COP1: variants seen among roughly 807,000 people sequenced by gnomAD.
COP1 encodes the protein E3 ubiquitin-protein ligase COP1.
Under a neutral mutation model 101.3 loss-of-function variants are expected in COP1, and 24 were observed. The observed-to-expected ratio is 0.24, with a 90% confidence interval of 0.17 to 0.33. The LOEUF is 0.33. COP1 is among the 10% of genes least tolerant of loss of function. COP1 has a pLI of 1.00. For missense variants in COP1, 663 were observed against 906.2 expected (o/e 0.73, Z 3.45); for synonymous variants, 347 against 341.9 (o/e 1.01, Z -0.17).
intron 15 of COP1, among the ~76,000 whole-genome samples, chr1:175,993,457 G>A (rs1659213663): frequency 6.6e-6 from 1 of 152,114 alleles, no homozygotes; most frequent in Non-Finnish European, 1.5e-5. Context: ...AGCTACAGGA[G>A]GAAACTTAAA....
intron 14 of COP1, among the ~76,000 whole-genome samples, chr1:176,031,378 A>C (rs1278802841): frequency 1.3e-5 from 2 of 152,222 alleles, no homozygotes; most frequent in Non-Finnish European, 2.9e-5. Flanking sequence ...GGCGATCCTC[A>C]AAATAAGGAG....
chr1:176,171,791 G>C (rs4652152), intron 3 of COP1, among the ~76,000 whole-genome samples: 9,015 of 152,226 alleles, frequency 0.059, 609 homozygotes, highest in African/African-American at 0.16. Context: ...AGATTAGTCA[G>C]AATTTCAAGC....
chr1:175,963,187 T>C (rs1172782009), intron 18 of COP1, among the ~76,000 whole-genome samples: 3 of 152,056 alleles, frequency 2.0e-5, no homozygotes, highest in Non-Finnish European at 2.9e-5. Flanking sequence ...AATACTCTCA[T>C]GGGATTATCT....
At chr1:176,136,586 AGCCT>A in intron 6 of COP1, 39 bp from the exon 7 acceptor site, 4 of 1,366,474 alleles carry the variant, frequency 2.9e-6, no homozygotes, top group Non-Finnish European at 3.0e-6. Flanking sequence ...AAAAAAAAAA[AGCCT>A]AAGCCAAACC....
At chr1:176,167,406 CTGAATGAA>C (rs58699487) in intron 3 of COP1, among the ~76,000 whole-genome samples, 12,109 of 150,920 alleles carry the variant, frequency 0.08, 1,097 homozygotes, top group African/African-American at 0.22. Flanking sequence ...CTGGTATTTG[CTGAATGAA>C]TGAATGAATG....
rs370776169 is a variant in COP1 at position 176,042,351 on chromosome 1, G to A, written c.1612+835C>T. Among the ~76,000 whole-genome samples, 190 of 150,198 alleles carry A rather than the reference G, an allele frequency of 1.3e-3. 4 individuals carry two copies. The highest frequency in any genetic ancestry group is 4.4e-3 in the African/African-American group (181 of 40,836). ...CGAGGCAGCAGGGCAGATCACTTGA[G>A]GTCAGTTTGATACCAGTCTGGCTAA... On this transcript the variant is annotated intron_variant, in intron 14 of 19. Transcript: ENST00000367669.
chr1:176,047,118 T>G lies in COP1; in HGVS notation c.1278-794A>C, dbSNP rs546959597. 1.1e-4 allele frequency among the ~76,000 whole-genome samples: 16 copies of G among 152,260 alleles called. No individual in the cohort carries two copies. The East Asian group carries it at 2.9e-3, about 28-fold the overall frequency. On this transcript the variant is annotated intron_variant, in intron 11 of 19. Coordinates refer to ENST00000367669, the MANE Select transcript of COP1 (RefSeq NM_022457.7). The stretch of plus-strand genomic sequence containing the variant: ...CAGTTGTTACATAACCAGCTGGAAA[T>G]CTAATTAGCCCAAAGGTAGTAAAAG...
chr1:176,164,880 G>C (rs559690814), intron 3 of COP1, among the ~76,000 whole-genome samples: 2 of 152,134 alleles, frequency 1.3e-5, no homozygotes, highest in East Asian at 3.9e-4. Flanking sequence ...GGCTAGGAAG[G>C]CACTTTATAG....
intron 6 of COP1, 100 bp from the exon 7 acceptor site, chr1:176,136,647 A>G (rs751471490): frequency 6.8e-6 from 5 of 734,582 alleles, no homozygotes; most frequent in Non-Finnish European, 1.1e-5. Flanking sequence ...TTAGGAAAAT[A>G]ATTTCTATCA....
At chr1:176,184,469 T>G (rs1304254635) in intron 2 of COP1, among the ~76,000 whole-genome samples, 164 bp downstream of exon 2, 1 of 152,228 alleles carries the variant, frequency 6.6e-6, no homozygotes, top group African/African-American at 2.4e-5. Context: ...CCAGCCATTA[T>G]GTTAACAGCC....
intron 3 of COP1, among the ~76,000 whole-genome samples, chr1:176,168,183 G>C (rs987954584): frequency 6.6e-6 from 1 of 151,484 alleles, no homozygotes; most frequent in Non-Finnish European, 1.5e-5. Flanking sequence ...TCAGCCTCCC[G>C]AGTAGCTGGG....
intron 9 of COP1, among the ~76,000 whole-genome samples, chr1:176,102,771 TTGAGA>T (rs1683633972): frequency 1.3e-5 from 2 of 152,210 alleles, no homozygotes; most frequent in Non-Finnish European, 2.9e-5. Flanking sequence ...AGATCAGTGC[TTGAGA>T]TATTTTGCAG....
At chr1:176,122,620 C>T (rs1293179141) in intron 8 of COP1, among the ~76,000 whole-genome samples, 1 of 152,098 alleles carries the variant, frequency 6.6e-6, no homozygotes, top group Non-Finnish European at 1.5e-5. Context: ...AAAAACTTCC[C>T]CAGCACCTCT....
intron 15 of COP1, among the ~76,000 whole-genome samples, chr1:176,002,354 ATTTAT>A (rs1329471073): frequency 6.6e-6 from 1 of 151,258 alleles, no homozygotes; most frequent in Non-Finnish European, 1.5e-5. Context: ...GTTTTTATTT[ATTTAT>A]TTATTTTTAT....
chr1:176,012,062 G>A (rs1430157796), intron 15 of COP1, among the ~76,000 whole-genome samples: 1 of 152,138 alleles, frequency 6.6e-6, no homozygotes, highest in African/African-American at 2.4e-5. Flanking sequence ...GTGTGTGCTT[G>A]TATCCCAGCA....
At chr1:176,088,244 A>G in intron 9 of COP1, among the ~76,000 whole-genome samples, 1 of 72,136 alleles carries the variant, frequency 1.4e-5, no homozygotes, top group Non-Finnish European at 3.9e-5. Flanking sequence ...CCTAGAACTT[A>G]AAGTATCATA....
chr1:176,067,275 C>T (rs1676159282), intron 11 of COP1, among the ~76,000 whole-genome samples: 1 of 152,118 alleles, frequency 6.6e-6, no homozygotes, highest in African/African-American at 2.4e-5. Flanking sequence ...CTGGTGAGGA[C>T]TCCAACCCCA....
intron 11 of COP1, among the ~76,000 whole-genome samples, 188 bp from the exon 12 acceptor site, chr1:176,046,512 T>C (rs1356928223): frequency 2.0e-5 from 3 of 152,090 alleles, no homozygotes; most frequent in East Asian, 3.8e-4. Flanking sequence ...TATAAAACTT[T>C]TAATATATAC....
At chr1:176,001,640 A>C (rs1442390778) in intron 15 of COP1, among the ~76,000 whole-genome samples, 1 of 152,146 alleles carries the variant, frequency 6.6e-6, no homozygotes, top group Non-Finnish European at 1.5e-5. Flanking sequence ...TTCTTTACAA[A>C]AAAATTCATC....
Sources: gnomAD v4.1 joint callset for allele counts (sites outside exome capture counted in the v4.1 genomes callset) on GRCh38, gnomAD v4.1.1 for gene constraint, MANE v1.5 for transcripts, NCBI Gene and HGNC (gene_info 2026-07-23, HGNC 2026-07-21) for gene names.